Variants in UBE3D observed in about 807,000 individuals in gnomAD.
The protein encoded by UBE3D is ubiquitin protein ligase E3D.
UBE3D carries 48 observed loss-of-function variants against 49.6 expected under a neutral mutation model. The observed-to-expected ratio is 0.97, with a 90% CI of 0.77 to 1.23. The LOEUF is 1.23. Among genes scored for constraint, UBE3D ranks in the 50% most tolerant of loss-of-function variants. The probability of loss-of-function intolerance (pLI) is 0.00; values close to 1 mark genes in which losing one functional copy is unlikely to be tolerated. For synonymous variants in UBE3D, 189 were observed against 174.2 expected (o/e 1.08, Z -0.67); for missense variants, 452 against 468.4 (o/e 0.96, Z 0.32).
chr6:82,992,048 CTTTTG>C (rs970674568), intron 8 of UBE3D, among the ~76,000 whole-genome samples: 98 of 152,054 alleles, frequency 6.4e-4, no homozygotes, highest in African/African-American at 1.8e-3. Flanking sequence ...ATTACATTTT[CTTTTG>C]TTTTAATAGA....
intron 8 of UBE3D, among the ~76,000 whole-genome samples, chr6:82,997,946 TG>T (rs1233206213): frequency 7.9e-6 from 1 of 126,834 alleles, no homozygotes; most frequent in Admixed American, 8.8e-5. Context: ...ACCATTTACC[TG>T]GGGAATTAGG....
intron 1 of UBE3D, among the ~76,000 whole-genome samples, chr6:83,064,851 T>C (rs1271958520): frequency 1.3e-5 from 2 of 152,158 alleles, no homozygotes; most frequent in Non-Finnish European, 2.9e-5. Context: ...CTGGCAGATT[T>C]AGGGAAGAGG....
intron 8 of UBE3D, among the ~76,000 whole-genome samples, chr6:82,964,800 T>A (rs2127784474): frequency 6.6e-6 from 1 of 152,340 alleles, no homozygotes; most frequent in South Asian, 2.1e-4. Flanking sequence ...GGAATGTCTG[T>A]TCTGATGAGC....
chr6:82,925,595 A>T (rs1353588218), intron 9 of UBE3D, among the ~76,000 whole-genome samples: 1 of 152,116 alleles, frequency 6.6e-6, no homozygotes, highest in African/African-American at 2.4e-5. Context: ...GGGTAGAGTC[A>T]CCTGTGTAAA....
rs141550853 is a variant in UBE3D at position 82,960,642 on chromosome 6, C to T, written c.1011-3192G>A. Among the ~76,000 whole-genome samples, 15 of 151,636 alleles carry T rather than the reference C, an allele frequency of 9.9e-5. No homozygotes were observed. In the East Asian group the frequency reaches 3.0e-3, roughly 30 times the overall value. On this transcript the variant is annotated intron_variant, in intron 8 of 9. Transcript: ENST00000369747. ...CAAGTTCTTATAAAGGAAACAAATG[C>T]CTTACTAGTATTCTTATTTGGGATA...
At chr6:83,020,721 C>T (rs953281405) in intron 7 of UBE3D, among the ~76,000 whole-genome samples, 3 of 152,088 alleles carry the variant, frequency 2.0e-5, no homozygotes, top group Non-Finnish European at 4.4e-5. Context: ...AAATTATCTG[C>T]AATTAGAAAA....
At chr6:82,898,834 AT>A (rs1378025581) in intron 9 of UBE3D, among the ~76,000 whole-genome samples, 3 of 152,032 alleles carry the variant, frequency 2.0e-5, no homozygotes, top group African/African-American at 7.2e-5. Flanking sequence ...AATAAAAAAA[AT>A]TTTTTTTAAA....
chr6:82,944,273 C>A (rs1266967701), intron 9 of UBE3D, among the ~76,000 whole-genome samples: 2 of 152,154 alleles, frequency 1.3e-5, no homozygotes. Flanking sequence ...ACTAGCTCGG[C>A]CACAGTATGA....
rs140158444 is a variant in UBE3D at position 83,054,316 on chromosome 6, C to T, written c.275-78G>A. On this transcript the variant is annotated intron_variant, in intron 2 of 9. Transcript: ENST00000369747. ...ACATACTTAAACAGTTCAATAGCCA[C>T]GATAAATTACCATCCATAAACAGTT... 17 of 1,043,290 alleles carry T rather than the reference C, an allele frequency of 1.6e-5. No homozygotes were observed. In the East Asian group the frequency reaches 2.2e-4, roughly 14 times the overall value. 64.6% of individuals were successfully genotyped at this position (1,043,290 alleles called of 1,614,324 possible).
intron 9 of UBE3D, among the ~76,000 whole-genome samples, chr6:82,917,751 C>T (rs1308953081): frequency 2.6e-5 from 4 of 152,192 alleles, no homozygotes; most frequent in Non-Finnish European, 5.9e-5. Flanking sequence ...AAGGCAGAGA[C>T]TTAAGACAGA....
At chr6:82,888,303 G>GTT (rs11409233), downstream of UBE3D, among the ~76,000 whole-genome samples, 162 of 144,748 alleles carry the variant, frequency 1.1e-3, 1 homozygote, top group African/African-American at 2.5e-3. Context: ...CATGATTTAG[G>GTT]TTTTTTTTTT....
At chr6:83,064,390 G>A (rs1229445749) in intron 1 of UBE3D, among the ~76,000 whole-genome samples, 1 of 152,002 alleles carries the variant, frequency 6.6e-6, no homozygotes, top group African/African-American at 2.4e-5. Context: ...ACCACACCCA[G>A]CTAATTTTTG....
chr6:82,911,489 T>C (rs776485678), intron 9 of UBE3D, among the ~76,000 whole-genome samples: 3 of 152,198 alleles, frequency 2.0e-5, no homozygotes, highest in Non-Finnish European at 4.4e-5. Flanking sequence ...ATAAAACTTA[T>C]AAATTAGAAT....
intron 2 of UBE3D, among the ~76,000 whole-genome samples, chr6:83,057,377 C>G (rs1783879542): frequency 3.0e-5 from 1 of 33,334 alleles, no homozygotes; most frequent in African/African-American, 9.8e-5. Context: ...GACACCTCCC[C>G]TACCTTGTTC....
At chr6:83,001,933 A>AT (rs142073386) in intron 8 of UBE3D, among the ~76,000 whole-genome samples, 8,912 of 150,766 alleles carry the variant, frequency 0.059, 471 homozygotes, top group African/African-American at 0.14. Context: ...GTGATTCTTA[A>AT]TTTTTTTTTT....
intron 3 of UBE3D, among the ~76,000 whole-genome samples, chr6:83,052,820 C>T (rs575888533): frequency 1.3e-5 from 2 of 152,270 alleles, no homozygotes; most frequent in East Asian, 3.9e-4. Flanking sequence ...CATTTGAGAA[C>T]AATTACTTAG....
intron 5 of UBE3D, among the ~76,000 whole-genome samples, chr6:83,034,396 C>G (rs941512690): frequency 2.0e-5 from 3 of 152,138 alleles, no homozygotes; most frequent in African/African-American, 7.2e-5. Context: ...TGAATAACTG[C>G]TTCAATCACC....
chr6:83,057,040 C>T (rs1042743657), intron 2 of UBE3D, among the ~76,000 whole-genome samples: 2 of 152,076 alleles, frequency 1.3e-5, no homozygotes, highest in South Asian at 2.1e-4. Flanking sequence ...ACTGCCTTAC[C>T]GAATCATTAT....
intron 8 of UBE3D, among the ~76,000 whole-genome samples, chr6:82,988,183 G>A (rs10943920): frequency 0.18 from 26,905 of 152,108 alleles, 2,558 homozygotes; most frequent in African/African-American, 0.24. Context: ...TTTCAGACAC[G>A]TTTCTTCTGG....
Sources: gnomAD v4.1 joint callset for allele counts (sites outside exome capture counted in the v4.1 genomes callset) on GRCh38, gnomAD v4.1.1 for gene constraint, MANE v1.5 for transcripts, NCBI Gene and HGNC (gene_info 2026-07-23, HGNC 2026-07-21) for gene names.